The following LSAMP variants were observed in gnomAD, a reference collection of about 807,000 sequenced individuals.
LSAMP encodes limbic system-associated membrane protein.
A neutral mutation model predicts 38.6 loss-of-function variants in LSAMP; 7 were observed. The ratio of observed to expected loss-of-function variants is 0.18; its 90% CI spans 0.10 to 0.34. The LOEUF (loss-of-function observed/expected upper bound fraction) is 0.34. Among genes scored for constraint, LSAMP ranks in the 10% least tolerant of loss-of-function variants. The pLI is 1.00. For synonymous variants in LSAMP, 154 were observed against 166.8 expected, an observed-to-expected ratio of 0.92 and a Z score of 0.59; for missense variants, 313 against 420.0, an observed-to-expected ratio of 0.75 and a Z score of 2.23.
At chr3:116,197,535 A>T (rs529066448) in intron 1 of LSAMP, among the ~76,000 whole-genome samples, 2 of 152,148 alleles carry the variant, frequency 1.3e-5, no homozygotes, top group East Asian at 1.9e-4. Context: ...CACTGTGCCA[A>T]CTCTTCAATG....
At chr3:116,203,827 T>G (rs1232692150) in intron 1 of LSAMP, among the ~76,000 whole-genome samples, 1 of 152,162 alleles carries the variant, frequency 6.6e-6, no homozygotes, top group East Asian at 1.9e-4. Context: ...TGGTTCCAAC[T>G]CTTTGCTATT....
intron 1 of LSAMP, among the ~76,000 whole-genome samples, chr3:116,092,571 G>C (rs974524084): frequency 6.6e-6 from 1 of 152,104 alleles, no homozygotes; most frequent in African/African-American, 2.4e-5. Flanking sequence ...TATCTTCCCT[G>C]TTTAGTATAT....
At chr3:116,053,998 T>C (rs925002917) in intron 2 of LSAMP, among the ~76,000 whole-genome samples, 6 of 152,190 alleles carry the variant, frequency 3.9e-5, no homozygotes, top group Non-Finnish European at 5.9e-5. Flanking sequence ...AGCTCAAACA[T>C]ATTATCTTAC....
intron 3 of LSAMP, among the ~76,000 whole-genome samples, chr3:115,952,186 T>C (rs1364686330): frequency 1.3e-5 from 2 of 152,178 alleles, no homozygotes; most frequent in African/African-American, 4.8e-5. Context: ...AAAGTAGAAC[T>C]ACCATTTGAT....
In LSAMP at chr3:115,852,592, T is replaced by C. The variant is rs1176342016; in HGVS notation, c.540A>G (p.Glu180=). The C allele has an allele frequency of 1.2e-6, 2 of 1,612,630 alleles. No individual in the cohort carries two copies. Among genetic ancestry groups the C allele is most frequent in the Non-Finnish European group, 1.7e-6 (2 of 1,179,584 alleles). Residue 180 remains glutamate, a synonymous_variant, in exon 4 of 7, where the codon GAA becomes GAG. Transcript: ENST00000490035. The stretch of plus-strand genomic sequence containing the variant: ...TGGTGATGCCAAGGATCTCCAGATA[T>C]TCTTCTTCTCCTTCAAATTCCCTTC... ...PTGREFEGEE[E]YLEILGITRE...
At chr3:116,105,693 ACTT>A (rs1290042801) in intron 1 of LSAMP, among the ~76,000 whole-genome samples, 7 of 152,154 alleles carry the variant, frequency 4.6e-5, no homozygotes, top group Non-Finnish European at 1.0e-4. Context: ...GGGCCTTTTC[ACTT>A]CTTTTGTGAT....
In LSAMP at chr3:116,196,421, AACTC is replaced by A. The variant is rs541373882; in HGVS notation, c.156-109869_156-109866del. Among the ~76,000 whole-genome samples the A allele has an allele frequency of 8.5e-5, 13 of 152,282 alleles. No individual in the cohort carries two copies. In the East Asian group the frequency reaches 2.5e-3, roughly 29 times the overall value. Reference sequence around the variant, plus strand: ...ACAACAATTGATGAGAATTCTACTAAACTCACTCATGTCATGCGAATTGACCAGT... The same window carrying A: ...ACAACAATTGATGAGAATTCTACTAAACTCATGTCATGCGAATTGACCAGT... On this transcript the variant is annotated intron_variant, in intron 1 of 6. Coordinates refer to ENST00000490035, the MANE Select transcript of LSAMP (RefSeq NM_002338.5).
Position 116,107,684 on chromosome 3 carries a change from T to A in LSAMP, c.156-21128A>T, listed in dbSNP as rs547480301. On this transcript the variant is annotated intron_variant, in intron 1 of 6. Transcript: ENST00000490035. ...AGTAATGGGGTCTGTCTGTGAAGCC[T>A]TGCGGCAGTACAGCCCAGGTAATTT... Among the ~76,000 whole-genome samples the A allele has an allele frequency of 1.2e-3, 188 of 152,330 alleles. 1 individual carries two copies. Among genetic ancestry groups the A allele is most frequent in the African/African-American group, 3.9e-3 (164 of 41,568 alleles).
intron 1 of LSAMP, among the ~76,000 whole-genome samples, chr3:116,419,709 G>C (rs1453112619): frequency 6.6e-6 from 1 of 152,124 alleles, no homozygotes; most frequent in Non-Finnish European, 1.5e-5. Context: ...GAAAAGATAA[G>C]AAACCTCAAA....
At chr3:115,834,732 AT>A in intron 6 of LSAMP, 2 of 291,826 alleles carry the variant, frequency 6.9e-6, no homozygotes, top group Non-Finnish European at 1.2e-5. Context: ...CTCATAAAAC[AT>A]TTGTCTGTAC....
intron 3 of LSAMP, among the ~76,000 whole-genome samples, chr3:115,909,930 G>T (rs77716638): frequency 0.023 from 3,511 of 152,184 alleles, 157 homozygotes; most frequent in African/African-American, 0.078. Flanking sequence ...AATTTATCCT[G>T]TTTCTGCAAA....
At chr3:115,854,321 AGC>A (rs927445204) in intron 3 of LSAMP, among the ~76,000 whole-genome samples, 3 of 116,968 alleles carry the variant, frequency 2.6e-5, no homozygotes, top group African/African-American at 9.9e-5. Context: ...CCCGCTCTTT[AGC>A]CTAGGCCGGA....
At chr3:116,155,651 GTGTGTC>G (rs1269108281) in intron 1 of LSAMP, among the ~76,000 whole-genome samples, 2 of 151,992 alleles carry the variant, frequency 1.3e-5, no homozygotes, top group Admixed American at 6.6e-5. Flanking sequence ...GTGTGTGTGT[GTGTGTC>G]TGTGTCTGTA....
intron 3 of LSAMP, among the ~76,000 whole-genome samples, chr3:115,937,061 A>G (rs1210925871): frequency 6.6e-6 from 1 of 152,180 alleles, no homozygotes; most frequent in Non-Finnish European, 1.5e-5. Context: ...ATTCTTTAAG[A>G]TTTATATGTT....
intron 6 of LSAMP, among the ~76,000 whole-genome samples, chr3:115,811,682 C>T (rs1479663480): frequency 1.3e-5 from 2 of 151,988 alleles, no homozygotes; most frequent in South Asian, 2.1e-4. Flanking sequence ...GATAGGATAA[C>T]AAGGAAAAAT....
At chr3:116,206,002 G>A (rs1173036094) in intron 1 of LSAMP, among the ~76,000 whole-genome samples, 6 of 151,764 alleles carry the variant, frequency 4.0e-5, no homozygotes, top group Non-Finnish European at 8.8e-5. Flanking sequence ...TTGTACCTCT[G>A]GTAGAATTCG....
intron 1 of LSAMP, among the ~76,000 whole-genome samples, chr3:116,330,551 C>G (rs900723802): frequency 1.1e-4 from 16 of 152,140 alleles, no homozygotes; most frequent in East Asian, 7.8e-4. Context: ...AGCATGCTCC[C>G]CCCCCCACAA....
chr3:115,960,759 C>G (rs1010306928), intron 3 of LSAMP, among the ~76,000 whole-genome samples: 4 of 152,144 alleles, frequency 2.6e-5, no homozygotes, highest in Admixed American at 2.0e-4. Context: ...TAATAAAATG[C>G]CTGCCAAAAT....
intron 1 of LSAMP, among the ~76,000 whole-genome samples, chr3:116,307,349 A>G (rs2047497233): frequency 2.0e-5 from 3 of 152,034 alleles, no homozygotes; most frequent in African/African-American, 7.2e-5. Context: ...TATTAAAACT[A>G]ATTTGCAATA....
Sources: allele counts gnomAD v4.1 joint callset (sites outside exome capture counted in the v4.1 genomes callset), GRCh38; gene constraint gnomAD v4.1.1; transcripts MANE v1.5; gene names NCBI Gene and HGNC (gene_info 2026-07-23, HGNC 2026-07-21).